Variants in GSG1L observed in about 807,000 individuals in gnomAD.
GSG1L encodes germ cell-specific gene 1-like protein.
In GSG1L, 24 loss-of-function variants were observed where a neutral mutation model predicts 42.1. That is an observed-to-expected ratio of 0.57 (90% CI 0.41 to 0.80). GSG1L has a LOEUF of 0.80. Among genes scored for constraint, GSG1L ranks in the 30% least tolerant of loss-of-function variants. The pLI is 0.00. For missense variants in GSG1L, 445 were observed against 472.2 expected (o/e 0.94, Z 0.53); for synonymous variants, 215 against 203.5 (o/e 1.06, Z -0.48).
At chr16:28,042,825 G>A (rs1450278205) in intron 1 of GSG1L, among the ~76,000 whole-genome samples, 2 of 152,176 alleles carry the variant, frequency 1.3e-5, no homozygotes, top group Non-Finnish European at 2.9e-5. Context: ...ACTCTATCAC[G>A]AAGACTTGGC....
chr16:27,930,081 C>T (rs1026859687), intron 2 of GSG1L, among the ~76,000 whole-genome samples: 1 of 152,080 alleles, frequency 6.6e-6, no homozygotes, highest in African/African-American at 2.4e-5. Flanking sequence ...CTGGCACTTA[C>T]ATGCCTCTGG....
chr16:27,983,406 G>C (rs1194087505), intron 1 of GSG1L, among the ~76,000 whole-genome samples: 3 of 152,226 alleles, frequency 2.0e-5, no homozygotes, highest in South Asian at 2.1e-4. Flanking sequence ...TGACATTTCA[G>C]GGCTTATTTG....
chr16:27,855,390 T>C (rs1403712556), intron 3 of GSG1L, among the ~76,000 whole-genome samples: 1 of 152,134 alleles, frequency 6.6e-6, no homozygotes, highest in African/African-American at 2.4e-5. Flanking sequence ...ATTGAGTATT[T>C]GCTACAAGCC....
chr16:28,052,364 A>G (rs780383865), intron 1 of GSG1L, among the ~76,000 whole-genome samples: 6 of 152,042 alleles, frequency 3.9e-5, no homozygotes, highest in Admixed American at 3.3e-4. Context: ...CCTGGCCTCA[A>G]CAAATCCTCC....
intron 1 of GSG1L, among the ~76,000 whole-genome samples, chr16:28,012,421 A>G (rs144624570): frequency 1.3e-5 from 2 of 152,198 alleles, no homozygotes; most frequent in African/African-American, 4.8e-5. Context: ...CCATTTTCTC[A>G]TCCGTGGTGA....
At chr16:27,929,654 A>C (rs1236251800) in intron 2 of GSG1L, among the ~76,000 whole-genome samples, 1 of 152,160 alleles carries the variant, frequency 6.6e-6, no homozygotes, top group Non-Finnish European at 1.5e-5. Context: ...TGAGCCCATA[A>C]ATTCCCTTTT....
At chr16:27,911,192 C>T (rs2084383183) in intron 2 of GSG1L, among the ~76,000 whole-genome samples, 1 of 152,216 alleles carries the variant, frequency 6.6e-6, no homozygotes, top group East Asian at 1.9e-4. Flanking sequence ...TTGGCAGCCA[C>T]AACCAAGCCC....
intron 5 of GSG1L, among the ~76,000 whole-genome samples, chr16:27,810,349 G>A (rs1010410762): frequency 6.6e-6 from 1 of 152,112 alleles, no homozygotes; most frequent in Non-Finnish European, 1.5e-5. Flanking sequence ...GTGTTCCTGT[G>A]GTCCCAGCTA....
intron 5 of GSG1L, among the ~76,000 whole-genome samples, chr16:27,825,316 A>G (rs1844813453): frequency 6.6e-6 from 1 of 152,224 alleles, no homozygotes; most frequent in African/African-American, 2.4e-5. Flanking sequence ...CAGAGCTCAC[A>G]GTCTGCAAAC....
At chr16:27,847,681 G>A (rs78765600) in intron 3 of GSG1L, among the ~76,000 whole-genome samples, 6,099 of 152,288 alleles carry the variant, frequency 0.04, 196 homozygotes, top group East Asian at 0.15. Context: ...GGACGTGACT[G>A]GATCATGGGG....
chr16:27,888,184 G>C, intron 2 of GSG1L: 1 of 968,222 alleles, frequency 1.0e-6, no homozygotes, highest in Non-Finnish European at 1.2e-6. Flanking sequence ...CACACCCCAG[G>C]GGGTGCGTTC....
chr16:28,008,540 C>T (rs1178142124), intron 1 of GSG1L, among the ~76,000 whole-genome samples: 1 of 152,186 alleles, frequency 6.6e-6, no homozygotes, highest in Non-Finnish European at 1.5e-5. Flanking sequence ...CAGCAGCCTC[C>T]TCATGGCCTC....
At chr16:27,822,287 C>G (rs1441552332) in intron 5 of GSG1L, among the ~76,000 whole-genome samples, 1 of 152,130 alleles carries the variant, frequency 6.6e-6, no homozygotes, top group Non-Finnish European at 1.5e-5. Context: ...TAATTCCAAC[C>G]CTGGTCTATT....
At chr16:27,831,465 G>T (rs926837706) in intron 4 of GSG1L, among the ~76,000 whole-genome samples, 1 of 152,144 alleles carries the variant, frequency 6.6e-6, no homozygotes, top group African/African-American at 2.4e-5. Context: ...TGAATTTCTA[G>T]TCTTTATAGC....
chr16:27,950,601 G>A (rs1362292500), intron 2 of GSG1L, among the ~76,000 whole-genome samples: 1 of 152,074 alleles, frequency 6.6e-6, no homozygotes, highest in Non-Finnish European at 1.5e-5. Flanking sequence ...AGAAGGAAGG[G>A]TGGGTAGCAG....
chr16:28,020,038 T>C (rs1230398073), intron 1 of GSG1L, among the ~76,000 whole-genome samples: 2 of 152,168 alleles, frequency 1.3e-5, no homozygotes, highest in African/African-American at 4.8e-5. Flanking sequence ...GATGGTCAAG[T>C]TTCCTGTTCT....
intron 1 of GSG1L, among the ~76,000 whole-genome samples, chr16:28,055,067 G>A (rs989797265): frequency 6.6e-6 from 1 of 152,188 alleles, no homozygotes; most frequent in Admixed American, 6.5e-5. Context: ...CTGGACCCGA[G>A]GGAAGGTCCA....
chr16:27,823,281 A>G (rs1048611597), intron 5 of GSG1L, among the ~76,000 whole-genome samples: 3 of 152,166 alleles, frequency 2.0e-5, no homozygotes, highest in Admixed American at 6.5e-5. Context: ...AACCCAACAC[A>G]TGTGCATACT....
chr16:28,063,489 G>A lies in GSG1L; in HGVS notation c.-65C>T, dbSNP rs1392566784. 5.0e-5 allele frequency: 52 copies of A among 1,042,250 alleles called. No homozygotes were observed. In the African/African-American group the frequency reaches 7.7e-4, roughly 15 times the overall value. 64.6% of individuals were successfully genotyped at this position (1,042,250 alleles called of 1,614,324 possible). A position where few individuals can be genotyped will look rare whatever the true frequency, so the allele number is the denominator to read the frequency against. ...GCTCCGCGCGCGAAGTTGGCAGCTG[G>A]CGCCCCGCGTCAGCGGCCGCTGCCC... is the stretch of plus-strand genomic sequence containing the variant. On this transcript the variant is annotated 5_prime_UTR_variant, in exon 1 of 7. Coordinates refer to ENST00000447459, the MANE Select transcript of GSG1L (RefSeq NM_001109763.2). The surrounding 1 kb of genome is among the most constrained non-coding windows in gnomAD (Gnocchi z 5.8).
Sources: gnomAD v4.1 joint callset for allele counts (sites outside exome capture counted in the v4.1 genomes callset) on GRCh38, gnomAD v4.1.1 for gene constraint, Gnocchi (gnomAD v3.1) non-coding constraint, MANE v1.5 for transcripts, NCBI Gene and HGNC (gene_info 2026-07-23, HGNC 2026-07-21) for gene names.